The following INPP4B variants were observed in gnomAD, a reference collection of about 807,000 sequenced individuals.
INPP4B encodes the protein inositol polyphosphate-4-phosphatase type II B, also known as inositol polyphosphate 4-phosphatase type II.
INPP4B carries 55 observed loss-of-function variants against 122.5 expected under a neutral mutation model. The ratio of observed to expected loss-of-function variants is 0.45; its 90% CI spans 0.36 to 0.56. INPP4B has a LOEUF of 0.56. Among genes scored for constraint, INPP4B ranks in the 20% least tolerant of loss-of-function variants. The probability of loss-of-function intolerance (pLI) is 0.00; values close to 1 mark genes in which losing one functional copy is unlikely to be tolerated. For missense variants in INPP4B, 1,000 were observed against 1,097.7 expected (o/e 0.91, Z 1.26); for synonymous variants, 403 against 388.7 (o/e 1.04, Z -0.43).
intron 2 of INPP4B, among the ~76,000 whole-genome samples, chr4:142,499,585 T>G (rs1560727471): frequency 1.3e-5 from 2 of 152,202 alleles, no homozygotes; most frequent in Admixed American, 6.6e-5. Context: ...CAAACTATTT[T>G]TTTGTCTAAG....
chr4:142,389,890 A>G (rs1378773487), intron 7 of INPP4B, among the ~76,000 whole-genome samples: 6 of 152,208 alleles, frequency 3.9e-5, no homozygotes. Flanking sequence ...TAGAGGATGA[A>G]AGGATTGTTT....
intron 1 of INPP4B, among the ~76,000 whole-genome samples, chr4:142,739,402 A>G (rs1767567866): frequency 6.6e-6 from 1 of 151,952 alleles, no homozygotes; most frequent in African/African-American, 2.4e-5. Context: ...TCCAATAGGA[A>G]AATATGAAGT....
chr4:142,836,664 G>A (rs1782815866), intron 1 of INPP4B, among the ~76,000 whole-genome samples: 1 of 149,670 alleles, frequency 6.7e-6, no homozygotes, highest in Non-Finnish European at 1.5e-5. Context: ...TTTTCTAGGA[G>A]AAAAACAATT....
Position 142,053,869 on chromosome 4 carries a change from A to T in INPP4B, c.2643-24955T>A, listed in dbSNP as rs1403446637. Reference sequence around the variant, plus strand: ...CTCTAATCCACTTCAGGCCTAAGCTATTTGCACTTGAATATATCATTCTTG... The same window carrying T: ...CTCTAATCCACTTCAGGCCTAAGCTTTTTGCACTTGAATATATCATTCTTG... On this transcript the variant is annotated intron_variant, in intron 25 of 25. Coordinates refer to ENST00000262992, the MANE Select transcript of INPP4B (RefSeq NM_001101669.3). Among the ~76,000 whole-genome samples, 3 of 152,096 alleles carry T rather than the reference A, an allele frequency of 2.0e-5. No homozygotes were observed. The East Asian group carries it at 5.8e-4, about 29-fold the overall frequency.
chr4:142,727,491 G>GGA, intron 1 of INPP4B, among the ~76,000 whole-genome samples: 1 of 151,842 alleles, frequency 6.6e-6, no homozygotes, highest in East Asian at 1.9e-4. Context: ...AGTAATTGGT[G>GGA]AATATCATTA....
intron 7 of INPP4B, among the ~76,000 whole-genome samples, chr4:142,357,112 T>C (rs1331322147): frequency 6.6e-6 from 1 of 152,032 alleles, no homozygotes; most frequent in East Asian, 1.9e-4. Context: ...AAATATCCTT[T>C]GTGATAAATT....
chr4:142,299,443 T>C (rs28398078), intron 9 of INPP4B, among the ~76,000 whole-genome samples: 53,486 of 151,584 alleles, frequency 0.35, 13,949 homozygotes, highest in African/African-American at 0.74. Flanking sequence ...GTGTGAGCCA[T>C]CGCATCCGGC....
intron 1 of INPP4B, among the ~76,000 whole-genome samples, chr4:142,734,093 C>A (rs1766476855): frequency 6.6e-6 from 1 of 152,082 alleles, no homozygotes; most frequent in Admixed American, 6.5e-5. Context: ...GGCAATAGGG[C>A]CTCTAAGGAG....
chr4:142,737,277 G>T (rs1767091999), intron 1 of INPP4B, among the ~76,000 whole-genome samples: 1 of 152,050 alleles, frequency 6.6e-6, no homozygotes, highest in Non-Finnish European at 1.5e-5. Context: ...TAGACCAATG[G>T]AACAGAACAG....
chr4:142,366,219 TCCA>T (rs909175000), intron 7 of INPP4B, among the ~76,000 whole-genome samples: 2 of 151,914 alleles, frequency 1.3e-5, no homozygotes, highest in Non-Finnish European at 2.9e-5. Context: ...TGCTTCTAAC[TCCA>T]CCGCCTATCC....
chr4:142,712,965 C>G (rs997898859), intron 2 of INPP4B, among the ~76,000 whole-genome samples: 25 of 152,176 alleles, frequency 1.6e-4, no homozygotes, highest in African/African-American at 5.8e-4. Context: ...TGTGTTTTGA[C>G]TCTGAGGCCA....
chr4:142,435,597 A>G (rs1277673918), intron 3 of INPP4B, among the ~76,000 whole-genome samples: 2 of 152,220 alleles, frequency 1.3e-5, no homozygotes, highest in Admixed American at 6.5e-5. Context: ...CAGTTCTGTC[A>G]TCAGGACTGA....
At chr4:142,646,633 T>C (rs1177712034) in intron 2 of INPP4B, among the ~76,000 whole-genome samples, 4 of 152,168 alleles carry the variant, frequency 2.6e-5, no homozygotes, top group Non-Finnish European at 4.4e-5. Flanking sequence ...GGAGAATGTG[T>C]TTCACCAATG....
rs543402149 is a variant in INPP4B, at chr4:142,032,319, G to A, written c.2643-3405C>T. ...AGGGAAGTGACCTGAACTAGTGGAT[G>A]GCAGACCAAACTGGAGGAGAGACTC... On this transcript the variant is annotated intron_variant, in intron 25 of 25. Transcript: ENST00000262992. Among the ~76,000 whole-genome samples the A allele has an allele frequency of 4.6e-5, 7 of 152,164 alleles. No individual in the cohort carries two copies. In the South Asian group the frequency reaches 1.5e-3, roughly 32 times the overall value.
At chr4:142,332,778 G>T (rs1263844926) in intron 7 of INPP4B, among the ~76,000 whole-genome samples, 1 of 151,466 alleles carries the variant, frequency 6.6e-6, no homozygotes, top group Non-Finnish European at 1.5e-5. Context: ...GCCAAGAAGG[G>T]CTGATCACGA....
chr4:142,498,648 G>A (rs910289867), intron 2 of INPP4B, among the ~76,000 whole-genome samples: 5 of 151,860 alleles, frequency 3.3e-5, no homozygotes, highest in Non-Finnish European at 5.9e-5. Context: ...AAAATTAGCC[G>A]GGTATGGTGG....
chr4:142,285,887 G>A (rs759514125), intron 9 of INPP4B, among the ~76,000 whole-genome samples: 2 of 152,066 alleles, frequency 1.3e-5, no homozygotes, highest in Non-Finnish European at 2.9e-5. Flanking sequence ...GGCAGACAGG[G>A]CAACATTAAT....
intron 7 of INPP4B, among the ~76,000 whole-genome samples, chr4:142,378,344 T>G (rs1792781451): frequency 6.6e-6 from 1 of 152,168 alleles, no homozygotes; most frequent in African/African-American, 2.4e-5. Flanking sequence ...TATGTGAGCC[T>G]GATTTTCCCA....
rs1165249936 is a variant in INPP4B, at chr4:142,108,179, A to T, written c.2288T>A (p.Val763Asp). 1.3e-6 allele frequency: 2 copies of T among 1,585,280 alleles called. No homozygotes were observed. Among genetic ancestry groups the T allele is most frequent in the African/African-American group, 1.3e-5 (1 of 74,226 alleles). Residue 763 changes from valine (V) to aspartate (D), a missense_variant, in exon 23 of 26, where the codon GTC becomes GAC. Physicochemically the swap from Val to Asp is radical, Grantham distance 152. Coordinates refer to ENST00000262992, the MANE Select transcript of INPP4B (RefSeq NM_001101669.3). Reference protein sequence around the residue: ...QQTLAERFGDVSLQESINQEN... With the variant: ...QQTLAERFGDDSLQESINQEN... ...CTGATTAATACTTTCTTGCAAAGAG[A>T]CATCTCCAAACCTACAAACAGAAAA...
Sources: allele counts gnomAD v4.1 joint callset (sites outside exome capture counted in the v4.1 genomes callset), GRCh38; gene constraint gnomAD v4.1.1; transcripts MANE v1.5; gene names NCBI Gene and HGNC (gene_info 2026-07-23, HGNC 2026-07-21).